The following BRINP2 variants were observed in gnomAD, a reference collection of about 807,000 sequenced individuals.
BRINP2 encodes the protein BMP/retinoic acid inducible neural specific 2, also known as BMP/retinoic acid-inducible neural-specific protein 2.
BRINP2 carries 21 observed loss-of-function variants against 69.2 expected under a neutral mutation model. The observed-to-expected ratio is 0.30, with a 90% CI of 0.22 to 0.44. The LOEUF (loss-of-function observed/expected upper bound fraction) is 0.44, where lower values mean the gene tolerates loss of function less well. BRINP2 is among the 20% of genes least tolerant of loss of function. The pLI, the probability that BRINP2 is intolerant of heterozygous loss-of-function variation, is 1.00. For synonymous variants in BRINP2, 380 were observed against 394.1 expected, an observed-to-expected ratio of 0.96 and a Z score of 0.42; for missense variants, 877 against 986.0, an observed-to-expected ratio of 0.89 and a Z score of 1.48.
At chr1:177,244,060 A>G (rs1034032845) in intron 2 of BRINP2, among the ~76,000 whole-genome samples, 27 of 152,206 alleles carry the variant, frequency 1.8e-4, no homozygotes, top group African/African-American at 6.5e-4. Flanking sequence ...CTCTGCCACA[A>G]GGAGTGGAAT....
intron 2 of BRINP2, among the ~76,000 whole-genome samples, chr1:177,232,062 A>T (rs1649875069): frequency 6.6e-6 from 1 of 152,238 alleles, no homozygotes; most frequent in African/African-American, 2.4e-5. Context: ...GATTTAATTT[A>T]CCTTAGACTT....
intron 1 of BRINP2, among the ~76,000 whole-genome samples, chr1:177,228,963 G>A (rs1649782157): frequency 6.6e-6 from 1 of 152,192 alleles, no homozygotes; most frequent in Non-Finnish European, 1.5e-5. Flanking sequence ...CAAGAATGGT[G>A]TGTGAAGATC....
At position 177,193,838 on chromosome 1, in the gene BRINP2, G is replaced by T. The variant is rs140314612; in HGVS notation, c.-77+22106G>T. On this transcript the variant is annotated intron_variant, in intron 1 of 7. Transcript: ENST00000361539. The stretch of plus-strand genomic sequence containing the variant: ...AACTGTGTTTAAAAAGGCTATTGGT[G>T]TTAGGAGGAGACCCAGCTATGATCT... Among the ~76,000 whole-genome samples the T allele has an allele frequency of 1.6e-3, 248 of 152,250 alleles. 2 individuals carry two copies. The highest frequency in any genetic ancestry group is 5.6e-3 in the African/African-American group (234 of 41,550).
intron 2 of BRINP2, among the ~76,000 whole-genome samples, chr1:177,236,435 T>C (rs979071974): frequency 3.9e-5 from 6 of 152,222 alleles, no homozygotes; most frequent in Non-Finnish European, 7.3e-5. Context: ...GGAGAAATTT[T>C]ACATAAACAA....
At chr1:177,226,083 A>G (rs1259736988) in intron 1 of BRINP2, among the ~76,000 whole-genome samples, 2 of 152,236 alleles carry the variant, frequency 1.3e-5, no homozygotes, top group Non-Finnish European at 2.9e-5. Context: ...TTGACTTAAT[A>G]TATCTTTCTT....
In BRINP2 at chr1:177,273,545, G is replaced by A; in HGVS notation, c.727G>A (p.Val243Ile). 1 of 1,609,290 alleles carries A rather than the reference G, an allele frequency of 6.2e-7. No individual in the cohort carries two copies. The change falls in exon 5 of 8, where the codon GTC (valine) becomes ATC (isoleucine). Residue 243 changes from valine to isoleucine, a missense_variant. Physicochemically the swap from Val to Ile is conservative, Grantham distance 29. This residue lies in a region of BRINP2 where 566 missense variants were observed against 625.2 expected (regional missense o/e 0.91). Transcript: ENST00000361539. ...GCSNYDNLDS[V>I]SSVLVQSPEN... ...CAGCAACTATGACAATCTGGACTCA[G>A]TCAGTTCTGTCTTGGTACAGAGTCC...
intron 1 of BRINP2, among the ~76,000 whole-genome samples, chr1:177,221,719 G>A (rs555110620): frequency 6.6e-6 from 1 of 152,224 alleles, no homozygotes; most frequent in Admixed American, 6.5e-5. Context: ...CCAGGCTGCT[G>A]AGAACCACTG....
intron 4 of BRINP2, among the ~76,000 whole-genome samples, chr1:177,263,234 A>C (rs1050260770): frequency 2.0e-5 from 3 of 152,148 alleles, no homozygotes; most frequent in African/African-American, 7.2e-5. Flanking sequence ...GGTGATGCCT[A>C]ATATTGAGAT....
At chr1:177,177,102 C>T (rs1648111312) in intron 1 of BRINP2, among the ~76,000 whole-genome samples, 1 of 151,898 alleles carries the variant, frequency 6.6e-6, no homozygotes, top group Admixed American at 6.6e-5. Flanking sequence ...AAAGGCATGG[C>T]CATGTATTAA....
chr1:177,257,015 T>A, intron 3 of BRINP2, 161 bp from the exon 4 acceptor site: 1 of 1,530,212 alleles, frequency 6.5e-7, no homozygotes, highest in East Asian at 2.5e-5. Flanking sequence ...CTCCCTCTGA[T>A]GAGCTTCTTC....
chr1:177,198,431 T>C (rs1648808376), intron 1 of BRINP2, among the ~76,000 whole-genome samples: 1 of 152,226 alleles, frequency 6.6e-6, no homozygotes, highest in Non-Finnish European at 1.5e-5. Flanking sequence ...ACGATGATTG[T>C]ATATGCACAC....
At chr1:177,186,461 A>G (rs966831612) in intron 1 of BRINP2, among the ~76,000 whole-genome samples, 2 of 152,094 alleles carry the variant, frequency 1.3e-5, no homozygotes, top group Non-Finnish European at 2.9e-5. Context: ...TGTAAGCCAT[A>G]TATATACATA....
chr1:177,179,620 C>CTTTCT (rs1648191456), intron 1 of BRINP2, among the ~76,000 whole-genome samples: 1 of 152,162 alleles, frequency 6.6e-6, no homozygotes, highest in African/African-American at 2.4e-5. Flanking sequence ...CACACACACA[C>CTTTCT]CTGTTTTGCT....
At chr1:177,211,368 C>T (rs1649217707) in intron 1 of BRINP2, among the ~76,000 whole-genome samples, 1 of 152,132 alleles carries the variant, frequency 6.6e-6, no homozygotes, top group Non-Finnish European at 1.5e-5. Context: ...CCCAGTGACC[C>T]TTTCAAGGTT....
intron 1 of BRINP2, among the ~76,000 whole-genome samples, chr1:177,188,454 AT>A (rs1648496784): frequency 6.6e-6 from 1 of 152,174 alleles, no homozygotes; most frequent in East Asian, 1.9e-4. Context: ...ATGGAAAAAA[AT>A]ATAGCAAAGA....
chr1:177,276,194 C>T lies in BRINP2; in HGVS notation c.776-4C>T, dbSNP rs752248669. ...AGAGATTCCTTGACACATCCTTTCCCCAGGCCTTCAGGTGCTGCTGCCTGA... is the reference window on the plus strand; with the variant it reads ...AGAGATTCCTTGACACATCCTTTCCTCAGGCCTTCAGGTGCTGCTGCCTGA... On this transcript the variant is annotated splice_region_variant and splice_polypyrimidine_tract_variant and intron_variant, in intron 5 of 7. Coordinates refer to ENST00000361539, the MANE Select transcript of BRINP2 (RefSeq NM_021165.4). 3.7e-6 allele frequency: 6 copies of T among 1,609,860 alleles called. No individual in the cohort carries two copies. Among genetic ancestry groups the T allele is most frequent in the Non-Finnish European group, 5.1e-6 (6 of 1,176,726 alleles).
intron 1 of BRINP2, among the ~76,000 whole-genome samples, chr1:177,207,841 A>G (rs1649109803): frequency 6.6e-6 from 1 of 152,176 alleles, no homozygotes; most frequent in Admixed American, 6.5e-5. Flanking sequence ...GAAGTGAGGA[A>G]AGTGAACCAA....
chr1:177,257,082 G>A, intron 3 of BRINP2, 94 bp from the exon 4 acceptor site: 2 of 1,579,096 alleles, frequency 1.3e-6, no homozygotes, highest in Non-Finnish European at 8.6e-7. Context: ...CTCTCTCTCA[G>A]CTGTGTCTAT....
At chr1:177,180,878 G>A (rs984047615) in intron 1 of BRINP2, among the ~76,000 whole-genome samples, 2 of 152,102 alleles carry the variant, frequency 1.3e-5, no homozygotes, top group African/African-American at 4.8e-5. Flanking sequence ...ACACATCTGC[G>A]AAGTTCTGTG....
Sources: allele counts gnomAD v4.1 joint callset (sites outside exome capture counted in the v4.1 genomes callset), GRCh38; gene constraint gnomAD v4.1.1; regional missense constraint gnomAD v4.1.1; transcripts MANE v1.5; gene names NCBI Gene and HGNC (gene_info 2026-07-23, HGNC 2026-07-21).